The following COL25A1 variants were observed in gnomAD, a reference collection of about 807,000 sequenced individuals.
COL25A1 encodes the protein collagen alpha-1(XXV) chain.
Under a neutral mutation model 128.4 loss-of-function variants are expected in COL25A1, and 103 were observed. That is an observed-to-expected ratio of 0.80 (90% confidence interval 0.68 to 0.94). The LOEUF (loss-of-function observed/expected upper bound fraction) is 0.94, where lower values mean the gene tolerates loss of function less well. Among genes scored for constraint, COL25A1 ranks in the 40% least tolerant of loss-of-function variants. COL25A1 has a pLI of 0.00. For missense variants in COL25A1, 745 were observed against 840.0 expected (o/e 0.89, Z 1.40); for synonymous variants, 279 against 277.2 (o/e 1.01, Z -0.06).
rs780078525 is a variant in COL25A1 at position 109,302,023 on chromosome 4, G to A, written c.-4C>T. 2.5e-6 allele frequency: 4 copies of A among 1,577,108 alleles called. No homozygotes were observed. Among genetic ancestry groups the A allele is most frequent in the Middle Eastern group, 3.9e-4 (2 of 5,096 alleles). Reference sequence around the variant, plus strand: ...CTGCGTGCTTCTTCAGCAGCATCGTGGCGGGGTCGGCCGTCTCGGCTTCGC... The same window carrying A: ...CTGCGTGCTTCTTCAGCAGCATCGTAGCGGGGTCGGCCGTCTCGGCTTCGC... On this transcript the variant is annotated 5_prime_UTR_variant, in exon 2 of 38. Transcript: ENST00000399132.
At chr4:108,932,709 C>A (rs1410985804) in intron 11 of COL25A1, among the ~76,000 whole-genome samples, 1 of 152,088 alleles carries the variant, frequency 6.6e-6, no homozygotes, top group Non-Finnish European at 1.5e-5. Context: ...GTCTATCTTT[C>A]ATGCTTTTGA....
chr4:109,079,683 GA>G (rs201498962), intron 3 of COL25A1, among the ~76,000 whole-genome samples: 7 of 151,024 alleles, frequency 4.6e-5, no homozygotes, highest in Admixed American at 4.0e-4. Context: ...CAAAACTTAA[GA>G]AAAAAAAATC....
intron 3 of COL25A1, among the ~76,000 whole-genome samples, chr4:109,185,941 A>G (rs1344564375): frequency 1.3e-5 from 2 of 152,218 alleles, no homozygotes; most frequent in African/African-American, 4.8e-5. Context: ...CTGTGAGAAA[A>G]TAAATTTCTG....
chr4:109,044,796 TGAG>T (rs1284170789), intron 5 of COL25A1, among the ~76,000 whole-genome samples: 2 of 152,134 alleles, frequency 1.3e-5, no homozygotes, highest in African/African-American at 2.4e-5. Context: ...ATAGCACACT[TGAG>T]GAGATAGTTG....
intron 3 of COL25A1, among the ~76,000 whole-genome samples, chr4:109,208,486 A>G (rs1478396242): frequency 6.6e-6 from 1 of 151,322 alleles, no homozygotes; most frequent in Non-Finnish European, 1.5e-5. Flanking sequence ...CAGTTAATAA[A>G]AAAAAAAAAA....
At chr4:109,057,942 A>G (rs1761601064) in intron 3 of COL25A1, among the ~76,000 whole-genome samples, 1 of 152,208 alleles carries the variant, frequency 6.6e-6, no homozygotes. Context: ...GGAAAATACT[A>G]CTGCACTTGA....
chr4:109,023,100 T>A (rs564927293), intron 5 of COL25A1, among the ~76,000 whole-genome samples: 2 of 152,274 alleles, frequency 1.3e-5, no homozygotes, highest in South Asian at 2.1e-4. Context: ...AAAACAACAT[T>A]CCATTCAAGA....
chr4:109,042,549 C>T lies in COL25A1; in HGVS notation c.420+5619G>A, dbSNP rs1451382812. Among the ~76,000 whole-genome samples, 2 of 152,010 alleles carry T rather than the reference C, an allele frequency of 1.3e-5. 1 individual carries two copies. Among genetic ancestry groups the T allele is most frequent in the Non-Finnish European group, 2.9e-5 (2 of 67,984 alleles). ...TTGATCTAGCTATGCTGGTATTTTA[C>T]ACTCATACTGCCTCCTACAAGATAA... On this transcript the variant is annotated intron_variant, in intron 5 of 37. Transcript: ENST00000399132.
chr4:108,846,905 ATTTT>A (rs36023184), intron 27 of COL25A1, among the ~76,000 whole-genome samples: 2 of 131,790 alleles, frequency 1.5e-5, no homozygotes, highest in South Asian at 2.4e-4. Flanking sequence ...GAATTTTGTA[ATTTT>A]TTTTTTTTTT....
intron 6 of COL25A1, among the ~76,000 whole-genome samples, chr4:108,975,159 T>C (rs566016517): frequency 6.6e-6 from 1 of 152,324 alleles, no homozygotes; most frequent in East Asian, 1.9e-4. Context: ...TTGGCTATTA[T>C]AAAAATACGC....
At chr4:108,932,629 A>G (rs1426909009) in intron 11 of COL25A1, among the ~76,000 whole-genome samples, 1 of 152,206 alleles carries the variant, frequency 6.6e-6, no homozygotes, top group Non-Finnish European at 1.5e-5. Context: ...GAAACCTTGG[A>G]TATAGACAAT....
At chr4:109,063,442 G>A (rs1025310442) in intron 3 of COL25A1, among the ~76,000 whole-genome samples, 1 of 150,898 alleles carries the variant, frequency 6.6e-6, no homozygotes, top group Non-Finnish European at 1.5e-5. Flanking sequence ...GGCAGAAGTT[G>A]CAGTAAGCCA....
At chr4:109,152,839 A>G (rs1771636826) in intron 3 of COL25A1, among the ~76,000 whole-genome samples, 2 of 152,188 alleles carry the variant, frequency 1.3e-5, no homozygotes, top group South Asian at 2.1e-4. Context: ...GACAGAAAGT[A>G]GAATGGTGGT....
At chr4:109,003,826 G>A (rs191155773) in intron 6 of COL25A1, among the ~76,000 whole-genome samples, 4 of 140,306 alleles carry the variant, frequency 2.9e-5, no homozygotes, top group East Asian at 2.1e-4. Context: ...ACAAAAAAAC[G>A]AAATATAAAT....
chr4:109,246,262 A>G (rs1183177661), intron 3 of COL25A1, among the ~76,000 whole-genome samples: 1 of 152,154 alleles, frequency 6.6e-6, no homozygotes, highest in Non-Finnish European at 1.5e-5. Context: ...ATATAAAATT[A>G]AGCAGAGATA....
In COL25A1 at chr4:109,254,469, TTATATATA is replaced by T. The variant is rs55997800; in HGVS notation, c.367+46106_367+46113del. The stretch of plus-strand genomic sequence containing the variant: ...GTGCTATGTACATGTAGGCATATGT[TTATATATA>T]TATATATATATATATATATATATAT... On this transcript the variant is annotated intron_variant, in intron 3 of 37. Transcript: ENST00000399132. Among the ~76,000 whole-genome samples the T allele has an allele frequency of 7.4e-3, 442 of 59,584 alleles. 22 individuals carry two copies. The highest frequency in any genetic ancestry group is 0.043 in the Middle Eastern group (3 of 70). The allele number at this position is 59,584 out of a possible 152,430, so 39.1% of individuals were successfully genotyped here. A position where few individuals can be genotyped will look rare whatever the true frequency, so the allele number is the denominator to read the frequency against.
intron 6 of COL25A1, among the ~76,000 whole-genome samples, chr4:108,979,008 G>A (rs1269986994): frequency 6.6e-6 from 1 of 152,034 alleles, no homozygotes; most frequent in Non-Finnish European, 1.5e-5. Flanking sequence ...AGTACTTAAG[G>A]GTGCTAATAA....
intron 3 of COL25A1, among the ~76,000 whole-genome samples, chr4:109,206,633 G>A (rs1367565620): frequency 6.6e-6 from 1 of 152,024 alleles, no homozygotes; most frequent in Non-Finnish European, 1.5e-5. Flanking sequence ...TGCTCTATTT[G>A]GCCATCTTCA....
rs75896679 is a variant in COL25A1, at chr4:108,986,204, T to C, written c.439-11645A>G. The stretch of plus-strand genomic sequence containing the variant: ...CTCTTCTACTCCATCCTACATACTT[T>C]TGTCAGATTAATTTTTCTAAAGCAC... On this transcript the variant is annotated intron_variant, in intron 6 of 37. Coordinates refer to ENST00000399132, the MANE Select transcript of COL25A1 (RefSeq NM_198721.4). 6.8e-3 allele frequency among the ~76,000 whole-genome samples: 1,034 copies of C among 152,282 alleles called. 10 individuals are homozygous for C. The highest frequency in any genetic ancestry group is 0.023 in the African/African-American group (976 of 41,546).
Sources: allele counts gnomAD v4.1 joint callset (sites outside exome capture counted in the v4.1 genomes callset), GRCh38; gene constraint gnomAD v4.1.1; transcripts MANE v1.5; gene names NCBI Gene and HGNC (gene_info 2026-07-23, HGNC 2026-07-21).